The following GCNT2 variants were observed in gnomAD, a reference collection of about 807,000 sequenced individuals.
The protein encoded by GCNT2 is glucosaminyl (N-acetyl) transferase 2 (I blood group), also known as N-acetyllactosaminide beta-1,6-N-acetylglucosaminyl-transferase.
A neutral mutation model predicts 34.2 loss-of-function variants in GCNT2; 34 were observed. That is an observed-to-expected ratio of 1.00 (90% CI 0.76 to 1.32). The LOEUF (loss-of-function observed/expected upper bound fraction) is 1.32, where lower values mean the gene tolerates loss of function less well. Ranked by LOEUF, GCNT2 falls within the 40% of genes most tolerant of loss-of-function variation. The pLI, the probability that GCNT2 is intolerant of heterozygous loss-of-function variation, is 0.00. For synonymous variants in GCNT2, 212 were observed against 188.0 expected, an observed-to-expected ratio of 1.13 and a Z score of -1.04; for missense variants, 584 against 489.4, an observed-to-expected ratio of 1.19 and a Z score of -1.82.
intron 3 of GCNT2, among the ~76,000 whole-genome samples, chr6:10,531,163 A>G (rs1039511798): frequency 4.6e-5 from 7 of 152,170 alleles, no homozygotes; most frequent in African/African-American, 1.4e-4. Flanking sequence ...ATTATAAACC[A>G]GGTCTCCTAA....
intron 3 of GCNT2, among the ~76,000 whole-genome samples, chr6:10,585,308 T>A (rs1246457808): frequency 2.0e-5 from 3 of 151,710 alleles, no homozygotes; most frequent in Non-Finnish European, 4.4e-5. Flanking sequence ...ACCTCCTGAG[T>A]AGCTGAGACT....
intron 3 of GCNT2, among the ~76,000 whole-genome samples, chr6:10,573,889 A>T (rs1763669059): frequency 6.6e-6 from 1 of 152,156 alleles, no homozygotes; most frequent in South Asian, 2.1e-4. Context: ...ATGCTTCGGG[A>T]TATTTCAGGT....
intron 4 of GCNT2, 87 bp from the exon 5 acceptor site, chr6:10,626,330 C>T (rs751925309): frequency 5.3e-5 from 50 of 944,250 alleles, no homozygotes; most frequent in Non-Finnish European, 7.6e-5. Context: ...TGTAGTTAGT[C>T]GGAGAGTACC....
chr6:10,523,972 C>CAAAAA (rs774638226), intron 1 of GCNT2, among the ~76,000 whole-genome samples: 1 of 68,368 alleles, frequency 1.5e-5, no homozygotes, highest in Non-Finnish European at 2.7e-5. Context: ...GACTCTGTCT[C>CAAAAA]AAAAAAAAAA....
chr6:10,532,395 TG>T (rs2113529555), intron 3 of GCNT2, among the ~76,000 whole-genome samples: 1 of 152,356 alleles, frequency 6.6e-6, no homozygotes, highest in East Asian at 1.9e-4. Context: ...GTTATGTGTG[TG>T]GAGGAACACT....
rs765363817 is a variant in GCNT2 at position 10,528,323 on chromosome 6, A to AT, written c.-281-301dup. On this transcript the variant is annotated intron_variant, in intron 2 of 4. Transcript: ENST00000495262. ...CTGTGGAAAAAGACAGGGTTAAGCA[A>AT]TTTTTTTAAAGCACTACATATTTAT... 6 of 158,514 alleles carry AT rather than the reference A, an allele frequency of 3.8e-5. No homozygotes were observed. The South Asian group carries it at 7.2e-4, about 19-fold the overall frequency. 9.8% of individuals were successfully genotyped at this position (158,514 alleles called of 1,614,324 possible).
Position 10,625,063 on chromosome 6 carries a change from G to A in GCNT2, c.1019-1354G>A, listed in dbSNP as rs532731978. Among the ~76,000 whole-genome samples the A allele has an allele frequency of 6.4e-4, 97 of 152,088 alleles. 1 individual carries two copies. Among genetic ancestry groups the A allele is most frequent in the African/African-American group, 2.2e-3 (92 of 41,456 alleles). On this transcript the variant is annotated intron_variant, in intron 4 of 4. Transcript: ENST00000495262. ...TCATTCTTTCACTTCCTACAATTCT[G>A]GCTTCTTTCCCCAATGACTTCTACT...
intron 1 of GCNT2, among the ~76,000 whole-genome samples, chr6:10,522,723 C>T (rs1315766563): frequency 6.6e-6 from 1 of 152,182 alleles, no homozygotes; most frequent in African/African-American, 2.4e-5. Context: ...TTTTTGGTTC[C>T]TGTAACTTCA....
intron 3 of GCNT2, among the ~76,000 whole-genome samples, chr6:10,600,528 A>G (rs1490978192): frequency 1.3e-5 from 2 of 151,990 alleles, no homozygotes; most frequent in African/African-American, 4.8e-5. Context: ...AAATTCCCTC[A>G]TGCTGCCCCT....
At chr6:10,574,301 T>C (rs1253919109) in intron 3 of GCNT2, among the ~76,000 whole-genome samples, 1 of 152,126 alleles carries the variant, frequency 6.6e-6, no homozygotes, top group Non-Finnish European at 1.5e-5. Flanking sequence ...GGACAACATA[T>C]ATGCATGTGC....
chr6:10,609,786 A>G lies in GCNT2; in HGVS notation c.926-11565A>G, dbSNP rs114682726. On this transcript the variant is annotated intron_variant, in intron 3 of 4. Transcript: ENST00000495262. The stretch of plus-strand genomic sequence containing the variant: ...TAAGCATGAAGCTGGGTCCAGGGGA[A>G]CAAATGTAGAAATGTAAAATGAGAA... 7.5e-3 allele frequency among the ~76,000 whole-genome samples: 1,141 copies of G among 152,338 alleles called. 15 individuals carry two copies. Among genetic ancestry groups the G allele is most frequent in the African/African-American group, 0.026 (1,063 of 41,586 alleles).
At chr6:10,529,877 T>C in intron 3 of GCNT2, 41 bp downstream of exon 3, 1 of 1,435,270 alleles carries the variant, frequency 7.0e-7, no homozygotes, top group African/African-American at 1.4e-5. Flanking sequence ...GAATAAACAC[T>C]GCATGGTCAA....
intron 3 of GCNT2, among the ~76,000 whole-genome samples, chr6:10,585,083 G>A (rs76499313): frequency 0.13 from 17,844 of 137,158 alleles, 1,238 homozygotes; most frequent in Middle Eastern, 0.16. Context: ...GTGTGTGCGC[G>A]CTATATTCTG....
At chr6:10,551,175 C>A (rs746831705) in intron 3 of GCNT2, among the ~76,000 whole-genome samples, 4 of 152,136 alleles carry the variant, frequency 2.6e-5, no homozygotes, top group Non-Finnish European at 5.9e-5. Flanking sequence ...TGCCCCTAGC[C>A]ACATGCGCCT....
intron 3 of GCNT2, among the ~76,000 whole-genome samples, chr6:10,543,442 C>T (rs1178166040): frequency 6.6e-6 from 1 of 152,170 alleles, no homozygotes; most frequent in South Asian, 2.1e-4. Flanking sequence ...CCACCTGCCT[C>T]GGCCTCCCAA....
At chr6:10,528,517 G>C (rs1761308264) in intron 2 of GCNT2, 114 bp from the exon 3 acceptor site, 1 of 314,862 alleles carries the variant, frequency 3.2e-6, no homozygotes, top group Non-Finnish European at 6.1e-6. Flanking sequence ...TGAGGTTAAG[G>C]TCTTAGAGCC....
chr6:10,532,800 G>T (rs1761558415), intron 3 of GCNT2, among the ~76,000 whole-genome samples: 1 of 152,140 alleles, frequency 6.6e-6, no homozygotes, highest in Non-Finnish European at 1.5e-5. Flanking sequence ...GGAGGTTAGG[G>T]AATTAGAAAC....
Position 10,626,611 on chromosome 6 carries a change from A to G in GCNT2, c.*4A>G. ...ACAACCCAGCTGGTATTTTTGAGCT[A>G]TTCATGAGCTACTCATGACTGAAGG... On this transcript the variant is annotated 3_prime_UTR_variant, in exon 5 of 5. Coordinates refer to ENST00000495262, the MANE Select transcript of GCNT2 (RefSeq NM_145649.5). 1.2e-6 allele frequency: 2 copies of G among 1,608,544 alleles called. No individual in the cohort carries two copies. The highest frequency in any genetic ancestry group is 1.7e-6 in the Non-Finnish European group (2 of 1,174,916).
At chr6:10,617,747 CTTCTTTTTTT>C (rs1181729474) in intron 3 of GCNT2, among the ~76,000 whole-genome samples, 19 of 114,282 alleles carry the variant, frequency 1.7e-4, no homozygotes, top group African/African-American at 3.8e-4. Flanking sequence ...GTCTGCATTT[CTTCTTTTTTT>C]TTTTTTTTTT....
Sources: gnomAD v4.1 joint callset for allele counts (sites outside exome capture counted in the v4.1 genomes callset) on GRCh38, gnomAD v4.1.1 for gene constraint, MANE v1.5 for transcripts, NCBI Gene and HGNC (gene_info 2026-07-23, HGNC 2026-07-21) for gene names.